Variants in CDK5RAP2 observed in about 807,000 individuals in gnomAD.
CDK5RAP2 encodes CDK5 regulatory subunit-associated protein 2.
In CDK5RAP2, 147 loss-of-function variants were observed where a neutral mutation model predicts 232.9. The observed-to-expected ratio is 0.63, with a 90% CI of 0.55 to 0.72. The LOEUF (loss-of-function observed/expected upper bound fraction) is 0.72. Ranked by LOEUF, CDK5RAP2 falls within the 30% of genes least tolerant of loss-of-function variation. CDK5RAP2 has a pLI of 0.00. For synonymous variants in CDK5RAP2, 833 were observed against 833.7 expected, an observed-to-expected ratio of 1.00 and a Z score of 0.01; for missense variants, 2,195 against 2,231.5, an observed-to-expected ratio of 0.98 and a Z score of 0.33.
intron 12 of CDK5RAP2, among the ~76,000 whole-genome samples, chr9:120,511,735 C>CTTTTTTT (rs747030569): frequency 3.6e-5 from 4 of 110,696 alleles, no homozygotes; most frequent in Non-Finnish European, 3.7e-5. Flanking sequence ...TCACAACATG[C>CTTTTTTT]TTTTTTTTTT....
Position 120,571,295 on chromosome 9 carries a change from T to A in CDK5RAP2, c.127+679A>T, listed in dbSNP as rs191500993. On this transcript the variant is annotated intron_variant, in intron 2 of 37. Transcript: ENST00000349780. ...GTCTGCTCCAAAATCTCCCTCCTCTTGCACATATCTCAGCACTGTGGAGAA... is the reference window on the plus strand; with the variant it reads ...GTCTGCTCCAAAATCTCCCTCCTCTAGCACATATCTCAGCACTGTGGAGAA... Among the ~76,000 whole-genome samples the A allele has an allele frequency of 3.9e-5, 6 of 152,306 alleles. No individual in the cohort carries two copies. The East Asian group carries it at 7.7e-4, about 20-fold the overall frequency.
chr9:120,552,952 T>G (rs142229213), intron 3 of CDK5RAP2, among the ~76,000 whole-genome samples: 39 of 152,140 alleles, frequency 2.6e-4, no homozygotes, highest in Non-Finnish European at 4.4e-5. Flanking sequence ...CTGGTGAATC[T>G]AGATGAATAT....
chr9:120,565,376 C>T (rs1211781063), intron 3 of CDK5RAP2, among the ~76,000 whole-genome samples: 1 of 152,192 alleles, frequency 6.6e-6, no homozygotes, highest in Non-Finnish European at 1.5e-5. Context: ...ACCAGCCTTG[C>T]TCCCCTCCAA....
intron 13 of CDK5RAP2, among the ~76,000 whole-genome samples, chr9:120,490,211 G>A (rs907129577): frequency 6.6e-6 from 1 of 152,222 alleles, no homozygotes; most frequent in African/African-American, 2.4e-5. Flanking sequence ...GAAAGGACCT[G>A]TCAAAGGTGG....
At chr9:120,389,942 G>C in intron 36 of CDK5RAP2, 155 bp from the exon 37 acceptor site, 3 of 705,866 alleles carry the variant, frequency 4.3e-6, no homozygotes, top group Non-Finnish European at 7.8e-6. Flanking sequence ...GAGGTACAAA[G>C]GGCCCACCTG....
intron 12 of CDK5RAP2, chr9:120,517,870 G>C (rs1344153381): frequency 2.6e-6 from 1 of 382,706 alleles, no homozygotes; most frequent in African/African-American, 2.1e-5. Flanking sequence ...GAACAGCCCA[G>C]GAAACAGAGT....
intron 12 of CDK5RAP2, among the ~76,000 whole-genome samples, chr9:120,518,211 G>GTGTGAA (rs1554770754): frequency 6.3e-5 from 2 of 31,612 alleles, no homozygotes; most frequent in South Asian, 2.9e-3. Flanking sequence ...GTGTGTGTGT[G>GTGTGAA]AGAGAGAGAG....
intron 31 of CDK5RAP2, 100 bp downstream of exon 31, chr9:120,408,247 T>C (rs2033611175): frequency 2.2e-6 from 3 of 1,394,950 alleles, no homozygotes; most frequent in Non-Finnish European, 3.0e-6. Flanking sequence ...AAGGCCAGAG[T>C]GGAGAGGGCT....
chr9:120,529,273 A>T (rs1006667425), intron 8 of CDK5RAP2, among the ~76,000 whole-genome samples: 8 of 152,248 alleles, frequency 5.3e-5, no homozygotes, highest in African/African-American at 1.7e-4. Flanking sequence ...AGCTACTCCA[A>T]CAAGAATGGA....
At chr9:120,468,221 A>T (rs2037493447) in intron 17 of CDK5RAP2, among the ~76,000 whole-genome samples, 1 of 152,198 alleles carries the variant, frequency 6.6e-6, no homozygotes, top group Non-Finnish European at 1.5e-5. Context: ...TCAAGGCAAA[A>T]AGATCCTGGG....
At chr9:120,394,138 T>C (rs911493366) in intron 36 of CDK5RAP2, among the ~76,000 whole-genome samples, 5 of 152,214 alleles carry the variant, frequency 3.3e-5, no homozygotes, top group African/African-American at 1.2e-4. Flanking sequence ...CCCCGCTCCA[T>C]GTGACGACGT....
At chr9:120,542,431 G>C (rs1425654119) in intron 5 of CDK5RAP2, among the ~76,000 whole-genome samples, 1 of 151,850 alleles carries the variant, frequency 6.6e-6, no homozygotes, top group Non-Finnish European at 1.5e-5. Flanking sequence ...CTTGAACCCG[G>C]GTTGTACTGA....
At chr9:120,508,043 T>C (rs1165069744) in intron 12 of CDK5RAP2, among the ~76,000 whole-genome samples, 4 of 147,998 alleles carry the variant, frequency 2.7e-5, no homozygotes, top group Non-Finnish European at 6.0e-5. Flanking sequence ...GCCCTCACAC[T>C]TCCTCCTCCA....
intron 14 of CDK5RAP2, among the ~76,000 whole-genome samples, chr9:120,480,138 C>T (rs1330788933): frequency 6.6e-6 from 1 of 152,192 alleles, no homozygotes; most frequent in African/African-American, 2.4e-5. Context: ...TAAATGCTCT[C>T]TAAATGCTGG....
chr9:120,561,377 G>A (rs758292883), intron 3 of CDK5RAP2, among the ~76,000 whole-genome samples: 10 of 152,058 alleles, frequency 6.6e-5, no homozygotes, highest in Non-Finnish European at 1.5e-4. Context: ...GCTCACTGCA[G>A]CCTCAACCTC....
chr9:120,531,270 C>T (rs939917950), intron 7 of CDK5RAP2, among the ~76,000 whole-genome samples: 4 of 151,770 alleles, frequency 2.6e-5, no homozygotes, highest in Non-Finnish European at 5.9e-5. Flanking sequence ...CTACCCCCGC[C>T]TCACCCCCAC....
At chr9:120,500,218 C>T (rs1026859699) in intron 12 of CDK5RAP2, among the ~76,000 whole-genome samples, 12 of 152,156 alleles carry the variant, frequency 7.9e-5, no homozygotes, top group Admixed American at 3.9e-4. Flanking sequence ...AACTACTTTC[C>T]CACTGTCACC....
intron 35 of CDK5RAP2, among the ~76,000 whole-genome samples, chr9:120,398,185 A>G (rs917794586): frequency 1.3e-5 from 2 of 152,242 alleles, no homozygotes; most frequent in African/African-American, 4.8e-5. Context: ...CAAAGTTCAT[A>G]AAATTCTTTT....
chr9:120,491,492 TG>T lies in CDK5RAP2; in HGVS notation c.1312-16del. The stretch of plus-strand genomic sequence containing the variant: ...TTTCTAAGATCCTACCAGAAGAAAA[TG>T]AAAAAATGGAATTTACTTGACAAAA... On this transcript the variant is annotated splice_polypyrimidine_tract_variant and intron_variant, in intron 12 of 37. Coordinates refer to ENST00000349780, the MANE Select transcript of CDK5RAP2 (RefSeq NM_018249.6). The T allele has an allele frequency of 6.3e-7, 1 of 1,596,588 alleles. No homozygotes were observed. Among genetic ancestry groups the T allele is most frequent in the Non-Finnish European group, 8.6e-7 (1 of 1,168,390 alleles).
Sources: gnomAD v4.1 joint callset for allele counts (sites outside exome capture counted in the v4.1 genomes callset) on GRCh38, gnomAD v4.1.1 for gene constraint, MANE v1.5 for transcripts, NCBI Gene and HGNC (gene_info 2026-07-23, HGNC 2026-07-21) for gene names.